Variants in FBXL13 observed in about 807,000 individuals in gnomAD.
FBXL13 encodes F-box and leucine-rich repeat protein 13.
FBXL13 carries 67 observed loss-of-function variants against 83.6 expected under a neutral mutation model. The observed-to-expected ratio is 0.80, with a 90% CI of 0.66 to 0.98. The LOEUF is 0.98. FBXL13 is among the 50% of genes least tolerant of loss of function. The probability of loss-of-function intolerance (pLI) is 0.00; values close to 1 mark genes in which losing one functional copy is unlikely to be tolerated. For synonymous variants in FBXL13, 272 were observed against 299.5 expected, an observed-to-expected ratio of 0.91 and a Z score of 0.95; for missense variants, 822 against 866.5, an observed-to-expected ratio of 0.95 and a Z score of 0.64.
intron 6 of FBXL13, among the ~76,000 whole-genome samples, chr7:102,969,445 C>T (rs181278211): frequency 6.6e-6 from 1 of 151,700 alleles, no homozygotes; most frequent in Admixed American, 6.6e-5. Flanking sequence ...AAAGGTATCC[C>T]CATCATTAAG....
At chr7:103,033,990 C>T (rs1391858619) in intron 2 of FBXL13, among the ~76,000 whole-genome samples, 3 of 151,844 alleles carry the variant, frequency 2.0e-5, no homozygotes, top group African/African-American at 7.2e-5. Context: ...CTCCAAGTCC[C>T]CACCAGAGTA....
chr7:102,955,649 A>T (rs1001165764), intron 8 of FBXL13, among the ~76,000 whole-genome samples: 1 of 151,798 alleles, frequency 6.6e-6, no homozygotes, highest in African/African-American at 2.4e-5. Flanking sequence ...AGCAAGACTA[A>T]TAAAGAAGAG....
chr7:102,973,690 C>A (rs6465886), intron 6 of FBXL13: 127,079 of 766,236 alleles, frequency 0.17, 11,162 homozygotes, highest in African/African-American at 0.22. Context: ...AGAAAGCAGG[C>A]CACAGCAGCC....
intron 18 of FBXL13, among the ~76,000 whole-genome samples, chr7:102,826,753 A>ATATATATATATATATATG (rs1799759392): frequency 8.9e-6 from 1 of 112,246 alleles, no homozygotes; most frequent in Admixed American, 1.1e-4. Flanking sequence ...ATATATATAT[A>ATATATATATATATATATG]TATATATATA....
intron 11 of FBXL13, among the ~76,000 whole-genome samples, chr7:102,911,344 G>A (rs1324554135): frequency 1.3e-5 from 2 of 152,190 alleles, no homozygotes; most frequent in African/African-American, 4.8e-5. Flanking sequence ...GAAGAAGGAG[G>A]TAAGTCATAC....
intron 8 of FBXL13, among the ~76,000 whole-genome samples, chr7:102,952,450 CAA>C (rs927319793): frequency 2.0e-5 from 3 of 151,898 alleles, no homozygotes; most frequent in East Asian, 1.9e-4. Flanking sequence ...ACCAGGAAAA[CAA>C]GAGGAAAGAC....
At chr7:102,934,366 C>T (rs1047372122) in intron 8 of FBXL13, 1 of 1,614,196 alleles carries the variant, frequency 6.2e-7, no homozygotes, top group South Asian at 1.1e-5. Flanking sequence ...TGTTCATTTA[C>T]ACACCTCTCT....
At chr7:102,914,240 T>G (rs1815370853) in intron 10 of FBXL13, among the ~76,000 whole-genome samples, 1 of 152,150 alleles carries the variant, frequency 6.6e-6, no homozygotes, top group Non-Finnish European at 1.5e-5. Context: ...GTCCAGCTAA[T>G]TTTTGTATTT....
chr7:102,832,760 T>C, intron 18 of FBXL13, 80 bp downstream of exon 19: 1 of 1,553,974 alleles, frequency 6.4e-7, no homozygotes, highest in Non-Finnish European at 8.7e-7. Context: ...ATATTCTGAG[T>C]CCAGCCCTGA....
chr7:103,058,279 G>C (rs114344030), intron 1 of FBXL13, among the ~76,000 whole-genome samples: 1,670 of 152,292 alleles, frequency 0.011, 34 homozygotes, highest in African/African-American at 0.039. Flanking sequence ...CAAGCCCATA[G>C]TAACTGCTTA....
intron 6 of FBXL13, among the ~76,000 whole-genome samples, chr7:103,014,288 G>A (rs958754472): frequency 1.3e-4 from 20 of 152,128 alleles, no homozygotes; most frequent in African/African-American, 4.8e-4. Flanking sequence ...CTGGGAGGTT[G>A]AGGCTGCAGT....
At chr7:103,052,439 G>T (rs926515484) in intron 2 of FBXL13, among the ~76,000 whole-genome samples, 11 of 151,846 alleles carry the variant, frequency 7.2e-5, no homozygotes, top group Admixed American at 5.9e-4. Context: ...AAAGTGTTTT[G>T]CTTCTTTGTA....
rs73714536 is a variant in FBXL13 at position 102,916,593 on chromosome 7, A to G, written c.879-3378T>C. ...ACGGGAAAAGTGTCAGTTGACAGCA[A>G]AATCACAGGTGGCAAATTTTGTGCA... On this transcript the variant is annotated intron_variant, in intron 10 of 19. Transcript: ENST00000313221. Among the ~76,000 whole-genome samples the G allele has an allele frequency of 5.8e-3, 881 of 152,316 alleles. 2 individuals carry two copies. Among genetic ancestry groups the G allele is most frequent in the African/African-American group, 0.02 (820 of 41,560 alleles).
chr7:102,884,350 TTAGCA>T, intron 11 of FBXL13, 38 bp from the exon 13 acceptor site: 1 of 1,471,364 alleles, frequency 6.8e-7, no homozygotes, highest in Non-Finnish European at 9.5e-7. Flanking sequence ...GGAGAATGCA[TTAGCA>T]TGATAAAAAT....
At chr7:102,881,211 C>T (rs986021240) in intron 14 of FBXL13, among the ~76,000 whole-genome samples, 5 of 151,790 alleles carry the variant, frequency 3.3e-5, no homozygotes, top group African/African-American at 1.2e-4. Context: ...TTTGGGAGGC[C>T]GAGGCAGGTG....
rs1290930402 is a variant in FBXL13 at position 102,963,525 on chromosome 7, ATACT to A, written c.724+4_724+7del. ...AGCAAGACAAATAGTTGTAATGAAC[ATACT>A]TACTGACAGATCTGAAAGTTTTGGG... On this transcript the variant is annotated splice_donor_5th_base_variant and intron_variant, in intron 8 of 19. Transcript: ENST00000313221. 7 of 1,609,604 alleles carry A rather than the reference ATACT, an allele frequency of 4.3e-6. No homozygotes were observed. Among genetic ancestry groups the A allele is most frequent in the Non-Finnish European group, 5.9e-6 (7 of 1,179,116 alleles).
intron 11 of FBXL13, among the ~76,000 whole-genome samples, chr7:102,890,572 CAGACCTGTCTGTAAAGGA>C (rs1811412798): frequency 6.6e-6 from 1 of 152,234 alleles, no homozygotes; most frequent in South Asian, 2.1e-4. Flanking sequence ...CATGAGAAGA[CAGACCTGTCTGTAAAGGA>C]ATTGAGTTGT....
chr7:103,002,332 G>A (rs74697003), intron 6 of FBXL13, among the ~76,000 whole-genome samples: 7 of 151,690 alleles, frequency 4.6e-5, no homozygotes, highest in Non-Finnish European at 8.8e-5. Flanking sequence ...ACTTTTTTTT[G>A]TTGTCTGAAT....
chr7:103,012,210 T>C (rs531330019), intron 6 of FBXL13, among the ~76,000 whole-genome samples: 13 of 152,054 alleles, frequency 8.5e-5, no homozygotes, highest in African/African-American at 2.9e-4. Flanking sequence ...ACCCCGTCAC[T>C]ACTAAAAATA....
Sources: allele counts gnomAD v4.1 joint callset (sites outside exome capture counted in the v4.1 genomes callset), GRCh38; gene constraint gnomAD v4.1.1; transcripts MANE v1.5; gene names NCBI Gene and HGNC (gene_info 2026-07-23, HGNC 2026-07-21).